Variants in TTLL5 observed in about 807,000 individuals in gnomAD.
The protein encoded by TTLL5 is tubulin polyglutamylase TTLL5.
Under a neutral mutation model 168.4 loss-of-function variants are expected in TTLL5, and 132 were observed. The observed-to-expected ratio is 0.78, with a 90% confidence interval of 0.68 to 0.91. The LOEUF (loss-of-function observed/expected upper bound fraction) is 0.91. Ranked by LOEUF, TTLL5 falls within the 40% of genes least tolerant of loss-of-function variation. TTLL5 has a pLI of 0.00. For synonymous variants in TTLL5, 546 were observed against 558.6 expected, an observed-to-expected ratio of 0.98 and a Z score of 0.32; for missense variants, 1,545 against 1,581.5, an observed-to-expected ratio of 0.98 and a Z score of 0.39.
intron 31 of TTLL5, among the ~76,000 whole-genome samples, chr14:75,937,246 A>T (rs2034461953): frequency 6.6e-6 from 1 of 151,192 alleles, no homozygotes; most frequent in Admixed American, 6.6e-5. Flanking sequence ...CCTCCCTAGT[A>T]GCTGGGTTTA....
intron 28 of TTLL5, among the ~76,000 whole-genome samples, chr14:75,846,086 A>G (rs1007956536): frequency 6.6e-6 from 1 of 152,246 alleles, no homozygotes; most frequent in African/African-American, 2.4e-5. Context: ...TCCATAGAGA[A>G]GCTTTGAGTG....
chr14:75,723,298 T>G (rs1003864074), intron 12 of TTLL5, among the ~76,000 whole-genome samples: 1 of 152,128 alleles, frequency 6.6e-6, no homozygotes, highest in Non-Finnish European at 1.5e-5. Context: ...CAGGAAATGT[T>G]TCTTGAATGA....
intron 28 of TTLL5, among the ~76,000 whole-genome samples, chr14:75,851,191 A>G (rs1048828430): frequency 1.3e-5 from 2 of 152,110 alleles, no homozygotes; most frequent in African/African-American, 4.8e-5. Flanking sequence ...CAGATGAAAA[A>G]GCAGGTTATA....
intron 30 of TTLL5, among the ~76,000 whole-genome samples, chr14:75,891,665 T>G (rs772306615): frequency 6.6e-6 from 1 of 152,180 alleles, no homozygotes; most frequent in African/African-American, 2.4e-5. Context: ...GGTGGTGACA[T>G]GGTATTCTGT....
intron 28 of TTLL5, chr14:75,838,869 G>C (rs1208451989): frequency 6.6e-6 from 1 of 152,604 alleles, no homozygotes; most frequent in Non-Finnish European, 1.5e-5. Flanking sequence ...AGATGCTACT[G>C]TCCGCCTCCT....
chr14:75,671,236 G>T (rs1419173199), intron 3 of TTLL5, among the ~76,000 whole-genome samples: 1 of 152,140 alleles, frequency 6.6e-6, no homozygotes, highest in Non-Finnish European at 1.5e-5. Context: ...TTTACTTATG[G>T]ACTTTTAATA....
At chr14:75,770,525 G>A (rs984985822) in intron 20 of TTLL5, among the ~76,000 whole-genome samples, 5 of 152,162 alleles carry the variant, frequency 3.3e-5, no homozygotes, top group African/African-American at 1.2e-4. Context: ...CCTAATCTTC[G>A]CTGATATAAT....
intron 31 of TTLL5, chr14:75,902,716 TACTG>T (rs2140090562): frequency 2.3e-6 from 1 of 429,924 alleles, no homozygotes; most frequent in Non-Finnish European, 4.7e-6. Flanking sequence ...GACAGGTTGT[TACTG>T]ACAGCCTGAA....
chr14:75,949,390 G>A (rs2034880604), intron 31 of TTLL5, among the ~76,000 whole-genome samples: 1 of 110,668 alleles, frequency 9.0e-6, no homozygotes, highest in Non-Finnish European at 1.9e-5. Context: ...TATATATATA[G>A]GATATAGAAT....
At chr14:75,952,168 A>G (rs1017635085) in intron 31 of TTLL5, among the ~76,000 whole-genome samples, 1 of 152,244 alleles carries the variant, frequency 6.6e-6, no homozygotes, top group South Asian at 2.1e-4. Flanking sequence ...CCATGCCAAG[A>G]AGCATATAAA....
intron 31 of TTLL5, among the ~76,000 whole-genome samples, chr14:75,952,748 G>T (rs1595331242): frequency 1.3e-5 from 2 of 152,176 alleles, no homozygotes; most frequent in Non-Finnish European, 2.9e-5. Context: ...TTAAGTGAAA[G>T]AAGCCAGTCC....
chr14:75,888,095 G>T (rs1372273592), intron 30 of TTLL5, among the ~76,000 whole-genome samples: 1 of 152,210 alleles, frequency 6.6e-6, no homozygotes, highest in Non-Finnish European at 1.5e-5. Context: ...ATGAGCGCCA[G>T]TCAGGAGCTC....
intron 27 of TTLL5, among the ~76,000 whole-genome samples, chr14:75,795,028 G>A (rs1384722680): frequency 6.6e-6 from 1 of 151,884 alleles, no homozygotes; most frequent in Non-Finnish European, 1.5e-5. Flanking sequence ...GTGATATTGG[G>A]CAGTTAATTC....
chr14:75,869,647 A>G (rs1436629278), intron 29 of TTLL5, among the ~76,000 whole-genome samples: 1 of 152,082 alleles, frequency 6.6e-6, no homozygotes, highest in Non-Finnish European at 1.5e-5. Context: ...TCTGTGTCAC[A>G]TAAGTAATAA....
chr14:75,837,344 G>A (rs1221379464), intron 28 of TTLL5: 2 of 152,192 alleles, frequency 1.3e-5, no homozygotes, highest in Non-Finnish European at 2.9e-5. Flanking sequence ...ACAGAGAGTA[G>A]GGTAGAAGCC....
chr14:75,934,779 T>C (rs1292772999), intron 31 of TTLL5, among the ~76,000 whole-genome samples: 7 of 152,200 alleles, frequency 4.6e-5, no homozygotes, highest in African/African-American at 1.7e-4. Context: ...TGATGGAGAA[T>C]AGGTCATAAA....
intron 17 of TTLL5, 69 bp downstream of exon 17, chr14:75,745,650 T>G (rs968174991): frequency 1.7e-6 from 2 of 1,206,204 alleles, no homozygotes; most frequent in African/African-American, 1.5e-5. Context: ...TGTGATACAC[T>G]GTCATCACTG....
intron 26 of TTLL5, among the ~76,000 whole-genome samples, chr14:75,784,389 T>A (rs556351748): frequency 6.6e-6 from 1 of 152,376 alleles, no homozygotes; most frequent in Non-Finnish European, 1.5e-5. Context: ...CTTAGCATAA[T>A]GTTTTTCAGG....
intron 28 of TTLL5, among the ~76,000 whole-genome samples, chr14:75,828,968 G>A (rs191053882): frequency 2.6e-5 from 4 of 152,308 alleles, no homozygotes; most frequent in Admixed American, 2.0e-4. Context: ...GTGAGAGACT[G>A]GGCCCTGAAG....
Sources: allele counts gnomAD v4.1 joint callset (sites outside exome capture counted in the v4.1 genomes callset), GRCh38; gene constraint gnomAD v4.1.1; transcripts MANE v1.5; gene names NCBI Gene and HGNC (gene_info 2026-07-23, HGNC 2026-07-21).